SPHKAP: variants seen among roughly 807,000 people sequenced by gnomAD.
The protein encoded by SPHKAP is A-kinase anchor protein SPHKAP.
SPHKAP carries 67 observed loss-of-function variants against 137.5 expected under a neutral mutation model. That is an observed-to-expected ratio of 0.49 (90% confidence interval 0.40 to 0.60). SPHKAP has a LOEUF of 0.60. SPHKAP is among the 20% of genes least tolerant of loss of function. SPHKAP has a pLI of 0.00. For missense variants in SPHKAP, 2,097 were observed against 2,069.3 expected, an observed-to-expected ratio of 1.01 and a Z score of -0.26; for synonymous variants, 813 against 785.3, an observed-to-expected ratio of 1.04 and a Z score of -0.59.
intron 1 of SPHKAP, among the ~76,000 whole-genome samples, chr2:228,135,384 G>A (rs560722899): frequency 6.6e-6 from 1 of 152,188 alleles, no homozygotes; most frequent in Admixed American, 6.5e-5. Context: ...TTGGGGTGAT[G>A]TAAAAATAGA....
At chr2:228,050,020 G>A (rs1440428486) in intron 3 of SPHKAP, among the ~76,000 whole-genome samples, 1 of 151,992 alleles carries the variant, frequency 6.6e-6, no homozygotes, top group East Asian at 1.9e-4. Context: ...CCATTAAAAA[G>A]TGGGCAAAGG....
rs567933318 is a variant in SPHKAP at position 228,014,342 on chromosome 2, CAT to C, written c.4448+2062_4448+2063del. 6.6e-5 allele frequency among the ~76,000 whole-genome samples: 10 copies of C among 152,148 alleles called. No homozygotes were observed. The South Asian group carries it at 8.3e-4, about 13-fold the overall frequency. On this transcript the variant is annotated intron_variant, in intron 7 of 11. Coordinates refer to ENST00000392056, the MANE Select transcript of SPHKAP (RefSeq NM_001142644.2). ...GTTAAGGGAATTCTAAAGAATTACA[CAT>C]GAGCTAATTTGTTTTTTTAACTCTG...
intron 3 of SPHKAP, among the ~76,000 whole-genome samples, chr2:228,098,031 T>G (rs1286843835): frequency 8.5e-5 from 13 of 152,232 alleles, no homozygotes; most frequent in Admixed American, 8.5e-4. Context: ...ATAGCAGTTC[T>G]GTTTTAATTT....
chr2:228,165,631 T>A (rs565418156), intron 1 of SPHKAP, among the ~76,000 whole-genome samples: 1 of 152,092 alleles, frequency 6.6e-6, no homozygotes, highest in Non-Finnish European at 1.5e-5. Flanking sequence ...AAAATAAAAA[T>A]GATTTTTGGC....
chr2:228,021,671 G>A (rs533440243), intron 6 of SPHKAP, 40 bp downstream of exon 6: 14 of 1,564,470 alleles, frequency 8.9e-6, no homozygotes, highest in Middle Eastern at 1.7e-4. Flanking sequence ...ATTTTTATAC[G>A]GGGACTAATT....
At chr2:228,168,306 G>C (rs1282248557) in intron 1 of SPHKAP, among the ~76,000 whole-genome samples, 1 of 152,140 alleles carries the variant, frequency 6.6e-6, no homozygotes, top group Non-Finnish European at 1.5e-5. Flanking sequence ...TCATTTTACT[G>C]CACTTTACTA....
At position 227,981,224 on chromosome 2, in the gene SPHKAP, C is replaced by T. The variant is rs1692982975; in HGVS notation, c.*493G>A. On this transcript the variant is annotated 3_prime_UTR_variant, in exon 12 of 12. Transcript: ENST00000392056. ...AAGTGGAAATCTTTTGTATAAAAGTCTGGGGATTTCTCACCCATATCTTAA... is the reference window on the plus strand; with the variant it reads ...AAGTGGAAATCTTTTGTATAAAAGTTTGGGGATTTCTCACCCATATCTTAA... The T allele has an allele frequency of 6.6e-6, 1 of 152,262 alleles. No homozygotes were observed. The highest frequency in any genetic ancestry group is 6.5e-5 in the Admixed American group (1 of 15,286). 9.4% of individuals were successfully genotyped at this position (152,262 alleles called of 1,614,324 possible).
intron 7 of SPHKAP, among the ~76,000 whole-genome samples, chr2:228,006,540 C>T (rs139678162): frequency 2.0e-5 from 3 of 152,182 alleles, no homozygotes; most frequent in Admixed American, 1.3e-4. Flanking sequence ...TCTCTCATCT[C>T]GTCAAAGTCA....
At chr2:228,105,962 G>C (rs1168426198) in intron 3 of SPHKAP, among the ~76,000 whole-genome samples, 1 of 152,088 alleles carries the variant, frequency 6.6e-6, no homozygotes, top group Admixed American at 6.6e-5. Context: ...TCTTCAGGGG[G>C]CTTCTGAGCC....
chr2:228,091,421 CTTAG>C lies in SPHKAP; in HGVS notation c.246+17407_246+17410del, dbSNP rs566493798. 1.4e-3 allele frequency among the ~76,000 whole-genome samples: 211 copies of C among 152,200 alleles called. 2 individuals are homozygous for C. Among genetic ancestry groups the C allele is most frequent in the South Asian group, 0.011 (52 of 4,826 alleles). ...TGAAAACAAAGATAAATAGGTGTGACTTAGTTAAACTAAAGTACTTCTGCACAGC... is the reference window on the plus strand; with the variant it reads ...TGAAAACAAAGATAAATAGGTGTGACTTAAACTAAAGTACTTCTGCACAGC... On this transcript the variant is annotated intron_variant, in intron 3 of 11. Transcript: ENST00000392056.
intron 3 of SPHKAP, among the ~76,000 whole-genome samples, chr2:228,035,003 T>A (rs1695528881): frequency 6.6e-6 from 1 of 150,398 alleles, no homozygotes; most frequent in African/African-American, 2.5e-5. Flanking sequence ...CCACTCCTAT[T>A]CAACATAGTG....
chr2:227,981,752 G>A lies in SPHKAP; in HGVS notation c.5068C>T (p.Leu1690=). ...TCCAAGAGCCAGTCAAAGAGACTCA[G>A]TCTCCCATCCTTCTGCTCCTCATGC... ...KMHEEQKDGR[L]SLFDWLLELG The change falls in exon 12 of 12, where the codon CTG becomes TTG. Residue 1690 remains leucine (L), a synonymous_variant. Coordinates refer to ENST00000392056, the MANE Select transcript of SPHKAP (RefSeq NM_001142644.2). The A allele has an allele frequency of 6.2e-7, 1 of 1,613,850 alleles. No homozygotes were observed. Among genetic ancestry groups the A allele is most frequent in the Non-Finnish European group, 8.5e-7 (1 of 1,179,782 alleles).
chr2:228,103,442 G>A (rs1271198283), intron 3 of SPHKAP, among the ~76,000 whole-genome samples: 1 of 152,148 alleles, frequency 6.6e-6, no homozygotes, highest in Non-Finnish European at 1.5e-5. Flanking sequence ...ACCCACGTAA[G>A]GGGGATGGAC....
At chr2:228,011,080 C>A (rs1039054800) in intron 7 of SPHKAP, among the ~76,000 whole-genome samples, 3 of 152,168 alleles carry the variant, frequency 2.0e-5, no homozygotes, top group Non-Finnish European at 4.4e-5. Flanking sequence ...CCTGAGATTG[C>A]TTTAAGGTAA....
At chr2:228,004,022 C>A (rs1694021056) in intron 7 of SPHKAP, among the ~76,000 whole-genome samples, 1 of 152,154 alleles carries the variant, frequency 6.6e-6, no homozygotes, top group African/African-American at 2.4e-5. Context: ...CTAAAATTCT[C>A]TTTTTTCATT....
At chr2:228,051,139 G>T (rs972493746) in intron 3 of SPHKAP, among the ~76,000 whole-genome samples, 3 of 152,080 alleles carry the variant, frequency 2.0e-5, no homozygotes, top group African/African-American at 7.2e-5. Context: ...TCTCAGAATT[G>T]TTATATCACA....
At chr2:228,058,900 C>A (rs1479323658) in intron 3 of SPHKAP, among the ~76,000 whole-genome samples, 1 of 152,180 alleles carries the variant, frequency 6.6e-6, no homozygotes, top group Non-Finnish European at 1.5e-5. Context: ...GTATACAGAA[C>A]AATACTAACT....
chr2:228,000,639 A>C (rs912900696), intron 7 of SPHKAP, among the ~76,000 whole-genome samples: 1 of 144,502 alleles, frequency 6.9e-6, no homozygotes, highest in Non-Finnish European at 1.5e-5. Flanking sequence ...TAATAAAAAT[A>C]AAATAAAATA....
At chr2:228,109,370 T>C (rs1258981250) in intron 2 of SPHKAP, 8 of 984,758 alleles carry the variant, frequency 8.1e-6, no homozygotes, top group Non-Finnish European at 9.6e-6. Context: ...CTTCACTTCT[T>C]TGGTTCTGCT....
Sources: gnomAD v4.1 joint callset for allele counts (sites outside exome capture counted in the v4.1 genomes callset) on GRCh38, gnomAD v4.1.1 for gene constraint, MANE v1.5 for transcripts, NCBI Gene and HGNC (gene_info 2026-07-23, HGNC 2026-07-21) for gene names.